SUPT3H: variants seen among roughly 807,000 people sequenced by gnomAD.
SUPT3H encodes SPT3 homolog, SAGA and STAGA complex component.
A neutral mutation model predicts 44.3 loss-of-function variants in SUPT3H; 44 were observed. The observed-to-expected ratio is 0.99, with a 90% CI of 0.78 to 1.28. The LOEUF (loss-of-function observed/expected upper bound fraction) is 1.28. Among genes scored for constraint, SUPT3H ranks in the 50% most tolerant of loss-of-function variants. SUPT3H has a pLI of 0.00. For missense variants in SUPT3H, 380 were observed against 387.1 expected (o/e 0.98, Z 0.15); for synonymous variants, 124 against 125.6 (o/e 0.99, Z 0.09).
At chr6:45,234,835 C>T (rs982842703) in intron 2 of SUPT3H, among the ~76,000 whole-genome samples, 12 of 152,096 alleles carry the variant, frequency 7.9e-5, no homozygotes, top group African/African-American at 2.9e-4. Context: ...TGATCAGAAA[C>T]TGTTCCATGG....
chr6:44,981,059 C>T (rs1362824192), intron 6 of SUPT3H, among the ~76,000 whole-genome samples: 2 of 152,134 alleles, frequency 1.3e-5, no homozygotes, highest in Admixed American at 6.5e-5. Flanking sequence ...TGCCGTTTTG[C>T]GTAAATGCCA....
intron 10 of SUPT3H, among the ~76,000 whole-genome samples, chr6:44,911,077 T>G (rs566047334): frequency 6.6e-6 from 1 of 151,898 alleles, no homozygotes; most frequent in Admixed American, 6.6e-5. Context: ...TTTGATGAGT[T>G]TTTTTTTAAA....
At chr6:45,339,100 T>C (rs1050634667) in intron 2 of SUPT3H, among the ~76,000 whole-genome samples, 2 of 152,154 alleles carry the variant, frequency 1.3e-5, no homozygotes, top group Admixed American at 6.6e-5. Flanking sequence ...CAAACTAAGA[T>C]AGTTATGGCC....
intron 3 of SUPT3H, among the ~76,000 whole-genome samples, chr6:45,103,048 A>G (rs565911951): frequency 1.3e-5 from 2 of 152,342 alleles, no homozygotes; most frequent in Non-Finnish European, 2.9e-5. Flanking sequence ...AGTACAAAAC[A>G]CACACATATA....
intron 2 of SUPT3H, among the ~76,000 whole-genome samples, chr6:45,211,111 GA>G (rs1764013776): frequency 6.6e-6 from 1 of 151,712 alleles, no homozygotes; most frequent in Non-Finnish European, 1.5e-5. Context: ...AAACAAAGAA[GA>G]AAAAAATTTT....
At chr6:45,107,094 TC>T (rs980605476) in intron 2 of SUPT3H, among the ~76,000 whole-genome samples, 9 of 152,198 alleles carry the variant, frequency 5.9e-5, no homozygotes, top group Admixed American at 5.9e-4. Flanking sequence ...GCCTTAGAAT[TC>T]CTCTTCTTAA....
chr6:45,330,467 C>T (rs12201899), intron 2 of SUPT3H, among the ~76,000 whole-genome samples: 11 of 151,764 alleles, frequency 7.2e-5, no homozygotes, highest in African/African-American at 2.2e-4. Flanking sequence ...TACTCTTTCA[C>T]GTTATCACTC....
At chr6:45,020,491 C>G in intron 4 of SUPT3H, 55 bp downstream of exon 4, 1 of 1,346,788 alleles carries the variant, frequency 7.4e-7, no homozygotes, top group Admixed American at 1.8e-5. Flanking sequence ...TTTCCACATG[C>G]AAGTTCAATT....
chr6:45,241,805 G>T (rs564697817), intron 2 of SUPT3H, among the ~76,000 whole-genome samples: 1 of 152,054 alleles, frequency 6.6e-6, no homozygotes, highest in Non-Finnish European at 1.5e-5. Context: ...AAGGTAACTA[G>T]AATAAAAACT....
intron 3 of SUPT3H, among the ~76,000 whole-genome samples, chr6:45,062,520 G>C (rs564343500): frequency 2.6e-5 from 4 of 152,160 alleles, no homozygotes; most frequent in South Asian, 2.1e-4. Flanking sequence ...CGCAGAAGAC[G>C]GGTGATTTCT....
intron 2 of SUPT3H, among the ~76,000 whole-genome samples, chr6:45,121,432 T>A (rs1288698589): frequency 6.6e-6 from 1 of 152,130 alleles, no homozygotes; most frequent in Non-Finnish European, 1.5e-5. Flanking sequence ...AATTAGAATA[T>A]TAGATTACTA....
At chr6:45,206,935 T>C (rs1285914350) in intron 2 of SUPT3H, among the ~76,000 whole-genome samples, 1 of 152,160 alleles carries the variant, frequency 6.6e-6, no homozygotes, top group East Asian at 1.9e-4. Flanking sequence ...GATTTCAATA[T>C]GTGAACAAGG....
chr6:45,336,473 A>G (rs913541074), intron 2 of SUPT3H, among the ~76,000 whole-genome samples: 1 of 151,494 alleles, frequency 6.6e-6, no homozygotes, highest in Non-Finnish European at 1.5e-5. Context: ...ATTTTCATAA[A>G]TATTCTGGTC....
chr6:45,309,459 G>GA (rs902120125), intron 2 of SUPT3H, among the ~76,000 whole-genome samples: 15 of 142,520 alleles, frequency 1.1e-4, no homozygotes, highest in East Asian at 6.1e-4. Context: ...AGTCAAAAGA[G>GA]AAAAAAAAAA....
intron 3 of SUPT3H, among the ~76,000 whole-genome samples, chr6:45,039,734 G>A (rs139640124): frequency 2.6e-5 from 4 of 151,646 alleles, no homozygotes; most frequent in Admixed American, 1.3e-4. Flanking sequence ...GCAGTGAGCC[G>A]AGATTGCACC....
chr6:45,090,951 A>G (rs907081887), intron 3 of SUPT3H, among the ~76,000 whole-genome samples: 4 of 151,966 alleles, frequency 2.6e-5, no homozygotes, highest in African/African-American at 9.6e-5. Context: ...GCTCAAGGAA[A>G]AAGATTCTAC....
At chr6:45,065,752 T>C (rs1408644857) in intron 3 of SUPT3H, among the ~76,000 whole-genome samples, 1 of 151,660 alleles carries the variant, frequency 6.6e-6, no homozygotes, top group Non-Finnish European at 1.5e-5. Flanking sequence ...CTCCCAAGAC[T>C]AAACCAGGAA....
At chr6:45,105,857 T>G in intron 3 of SUPT3H, 65 bp downstream of exon 3, 14 of 1,261,386 alleles carry the variant, frequency 1.1e-5, no homozygotes, top group Non-Finnish European at 1.6e-5. Flanking sequence ...TTTAAAGTGT[T>G]GGGTTACCAT....
chr6:45,093,204 A>G (rs1797368610), intron 3 of SUPT3H, among the ~76,000 whole-genome samples: 1 of 152,156 alleles, frequency 6.6e-6, no homozygotes, highest in Admixed American at 6.5e-5. Context: ...CTGAGATCTG[A>G]TAAATAAATA....
Sources: allele counts gnomAD v4.1 joint callset (sites outside exome capture counted in the v4.1 genomes callset), GRCh38; gene constraint gnomAD v4.1.1; transcripts MANE v1.5; gene names NCBI Gene and HGNC (gene_info 2026-07-23, HGNC 2026-07-21).